KCNN3: variants seen among roughly 807,000 people sequenced by gnomAD.
KCNN3 encodes potassium calcium-activated channel subfamily N member 3.
In KCNN3, 16 loss-of-function variants were observed where a neutral mutation model predicts 62.9. The observed-to-expected ratio is 0.25, with a 90% CI of 0.17 to 0.39. The LOEUF is 0.39. KCNN3 is among the 10% of genes least tolerant of loss of function. The pLI, the probability that KCNN3 is intolerant of heterozygous loss-of-function variation, is 1.00. For missense variants in KCNN3, 599 were observed against 949.4 expected (o/e 0.63, Z 4.85); for synonymous variants, 370 against 389.2 (o/e 0.95, Z 0.58).
In KCNN3 at chr1:154,713,542, A is replaced by G. The variant is rs1700121810; in HGVS notation, c.1830-9T>C. The G allele has an allele frequency of 6.2e-7, 1 of 1,612,406 alleles. No individual in the cohort carries two copies. Among genetic ancestry groups the G allele is most frequent in the South Asian group, 1.1e-5 (1 of 91,064 alleles). On this transcript the variant is annotated splice_polypyrimidine_tract_variant and intron_variant, in intron 6 of 7. Transcript: ENST00000271915. ...TCTTGACGCTCCTCAACCTGTGGGG[A>G]AGAATGGTAACAGGCAAGCCCTTCA...
chr1:154,766,664 A>G (rs1183693388), intron 3 of KCNN3, among the ~76,000 whole-genome samples: 11 of 142,772 alleles, frequency 7.7e-5, no homozygotes, highest in Non-Finnish European at 1.5e-4. Context: ...CCACTTTCCT[A>G]CTGTTTTGTT....
chr1:154,757,797 G>C (rs997320451), intron 3 of KCNN3, among the ~76,000 whole-genome samples: 1 of 152,220 alleles, frequency 6.6e-6, no homozygotes, highest in Non-Finnish European at 1.5e-5. Flanking sequence ...GAGGGGACTG[G>C]AGACCACTGG....
chr1:154,842,166 T>C lies in KCNN3; in HGVS notation c.934-19982A>G, dbSNP rs187540748. Among the ~76,000 whole-genome samples the C allele has an allele frequency of 3.9e-5, 6 of 152,300 alleles. No individual in the cohort carries two copies. In the East Asian group the frequency reaches 1.2e-3, roughly 29 times the overall value. ...AGTCACTGGGCCTCAGATCCCCTCT[T>C]TGCCCTGCAATGGGGTGGGACCCTA... On this transcript the variant is annotated intron_variant, in intron 1 of 7. Coordinates refer to ENST00000271915, the MANE Select transcript of KCNN3 (RefSeq NM_002249.6).
At position 154,708,047 on chromosome 1, in the gene KCNN3, T is replaced by C. The variant is rs200865416; in HGVS notation, c.2125A>G (p.Ile709Val). 1.1e-5 allele frequency: 17 copies of C among 1,613,210 alleles called. No individual in the cohort carries two copies. The highest frequency in any genetic ancestry group is 5.0e-5 in the Admixed American group (3 of 59,974). Residue 709 changes from isoleucine to valine, a missense_variant, in exon 8 of 8, where the codon ATC becomes GTC. Coordinates refer to ENST00000271915, the MANE Select transcript of KCNN3 (RefSeq NM_002249.6). The stretch of plus-strand genomic sequence containing the variant: ...CTGACCCCAATGGGGCTATCGGAGA[T>C]TGGGGTGTGGGTGGTGCCCACTGCC... ...SVAVGTTHTP[I>V]SDSPIGVSST... is the part of the protein sequence containing the mutation.
At chr1:154,864,739 C>T (rs1652888534) in intron 1 of KCNN3, among the ~76,000 whole-genome samples, 1 of 152,204 alleles carries the variant, frequency 6.6e-6, no homozygotes, top group Non-Finnish European at 1.5e-5. Context: ...AGCAACGAGG[C>T]CAGGCAGGGG....
At chr1:154,822,321 A>G (rs1013667395) in intron 1 of KCNN3, 137 bp from the exon 2 acceptor site, 2 of 730,240 alleles carry the variant, frequency 2.7e-6, no homozygotes, top group Non-Finnish European at 4.8e-6. Flanking sequence ...CAGGTGTAGC[A>G]CAAAGTCAGC....
At chr1:154,713,698 T>TC (rs1408303031) in intron 6 of KCNN3, among the ~76,000 whole-genome samples, 165 bp from the exon 7 acceptor site, 3 of 151,718 alleles carry the variant, frequency 2.0e-5, no homozygotes, top group East Asian at 3.9e-4. Flanking sequence ...GCTTGTCACA[T>TC]CCCCCCAGAA....
At chr1:154,819,539 C>T (rs953005440) in intron 2 of KCNN3, among the ~76,000 whole-genome samples, 4 of 152,128 alleles carry the variant, frequency 2.6e-5, no homozygotes, top group Non-Finnish European at 1.5e-5. Context: ...AAGGGCGCTC[C>T]GTAGGAACCT....
intron 1 of KCNN3, among the ~76,000 whole-genome samples, chr1:154,837,054 G>A (rs777703488): frequency 2.6e-5 from 4 of 151,894 alleles, no homozygotes; most frequent in Admixed American, 6.6e-5. Context: ...TTGTTTCCTC[G>A]TTCCACTGAC....
intron 1 of KCNN3, among the ~76,000 whole-genome samples, chr1:154,842,641 C>A (rs1445060235): frequency 1.6e-3 from 3 of 1,830 alleles, no homozygotes; most frequent in East Asian, 0.014. Context: ...CCCCCCCCCG[C>A]CACCACCTCC....
Position 154,702,891 on chromosome 1 carries a change from C to A in KCNN3, c.*5085G>T, listed in dbSNP as rs1186377195. 6.6e-6 allele frequency: 1 copy of A among 151,204 alleles called. No homozygotes were observed. The highest frequency in any genetic ancestry group is 1.9e-4 in the East Asian group (1 of 5,138). 9.4% of individuals were successfully genotyped at this position (151,204 alleles called of 1,614,324 possible). ...CTTGTTTCAACACATAGCCCAGGCC[C>A]AAGATTACAGCTTCCAGGATACATT... On this transcript the variant is annotated 3_prime_UTR_variant, in exon 8 of 8. Coordinates refer to ENST00000271915, the MANE Select transcript of KCNN3 (RefSeq NM_002249.6).
intron 1 of KCNN3, chr1:154,868,079 TCA>T: frequency 5.1e-6 from 5 of 985,088 alleles, no homozygotes; most frequent in Non-Finnish European, 6.0e-6. Context: ...GGGCGCGCAC[TCA>T]CACACACACT....
intron 1 of KCNN3, among the ~76,000 whole-genome samples, chr1:154,867,214 A>G (rs1364617653): frequency 1.3e-5 from 2 of 152,194 alleles, no homozygotes; most frequent in Admixed American, 6.5e-5. Flanking sequence ...TGCCAGCCCC[A>G]TATCCTGGAG....
Position 154,705,385 on chromosome 1 carries a change from C to A in KCNN3, c.*2591G>T, listed in dbSNP as rs187974151. Reference sequence around the variant, plus strand: ...TACAGGATCAATGTGCAGGTTTGATCACTTTTTTTTTGAAGCATTTTCTTT... The same window carrying A: ...TACAGGATCAATGTGCAGGTTTGATAACTTTTTTTTTGAAGCATTTTCTTT... On this transcript the variant is annotated 3_prime_UTR_variant, in exon 8 of 8. Coordinates refer to ENST00000271915, the MANE Select transcript of KCNN3 (RefSeq NM_002249.6). 176 of 152,276 alleles carry A rather than the reference C, an allele frequency of 1.2e-3. No homozygotes were observed. The highest frequency in any genetic ancestry group is 4.0e-3 in the African/African-American group (165 of 41,554). The allele number at this position is 152,276 out of a possible 1,614,324, so 9.4% of individuals were successfully genotyped here. A position where few individuals can be genotyped will look rare whatever the true frequency, so the allele number is the denominator to read the frequency against.
intron 1 of KCNN3, among the ~76,000 whole-genome samples, chr1:154,826,967 T>TTG (rs150070588): frequency 2.0e-5 from 3 of 151,806 alleles, no homozygotes; most frequent in Non-Finnish European, 2.9e-5. Flanking sequence ...ATGTGTATGG[T>TTG]TGTGTGTGTG....
At chr1:154,759,326 G>T (rs1647892293) in intron 3 of KCNN3, among the ~76,000 whole-genome samples, 1 of 152,158 alleles carries the variant, frequency 6.6e-6, no homozygotes, top group South Asian at 2.1e-4. Context: ...TTGAGGGAGG[G>T]GTCTGCACCG....
chr1:154,757,126 TG>T (rs1647761418), intron 3 of KCNN3, among the ~76,000 whole-genome samples: 1 of 152,078 alleles, frequency 6.6e-6, no homozygotes, highest in African/African-American at 2.4e-5. Context: ...AAATAGGGTA[TG>T]GGGGGAATCA....
chr1:154,765,801 T>TTTTG (rs1648241037), intron 3 of KCNN3, among the ~76,000 whole-genome samples: 1 of 151,434 alleles, frequency 6.6e-6, no homozygotes, highest in African/African-American at 2.4e-5. Context: ...TTTTGGTTTT[T>TTTTG]TTTTGTTTTG....
intron 3 of KCNN3, among the ~76,000 whole-genome samples, chr1:154,754,437 T>C (rs926789549): frequency 6.6e-6 from 1 of 152,136 alleles, no homozygotes; most frequent in South Asian, 2.1e-4. Context: ...TCTCCTCTTC[T>C]TCATTAGTAA....
Sources: allele counts gnomAD v4.1 joint callset (sites outside exome capture counted in the v4.1 genomes callset), GRCh38; gene constraint gnomAD v4.1.1; transcripts MANE v1.5; gene names NCBI Gene and HGNC (gene_info 2026-07-23, HGNC 2026-07-21).